The following MAP2K1 variants were observed in gnomAD, a reference collection of about 807,000 sequenced individuals.
MAP2K1 encodes mitogen-activated protein kinase kinase 1, also known as dual specificity mitogen-activated protein kinase kinase 1.
In MAP2K1, 16 loss-of-function variants were observed where a neutral mutation model predicts 46.3. The ratio of observed to expected loss-of-function variants is 0.35; its 90% confidence interval spans 0.23 to 0.52. MAP2K1 has a LOEUF of 0.52. MAP2K1 is among the 20% of genes least tolerant of loss of function. MAP2K1 has a pLI of 0.94. For synonymous variants in MAP2K1, 183 were observed against 185.6 expected (o/e 0.99, Z 0.11); for missense variants, 263 against 497.1 (o/e 0.53, Z 4.48).
At chr15:66,436,049 G>A (rs1192737492) in intron 2 of MAP2K1, among the ~76,000 whole-genome samples, 1 of 152,074 alleles carries the variant, frequency 6.6e-6, no homozygotes, top group Non-Finnish European at 1.5e-5. Flanking sequence ...TTTGCACATG[G>A]TGTTCACTCC....
At chr15:66,469,419 G>T (rs1284589403) in intron 5 of MAP2K1, among the ~76,000 whole-genome samples, 1 of 150,310 alleles carries the variant, frequency 6.7e-6, no homozygotes, top group African/African-American at 2.5e-5. Flanking sequence ...TATACTCTTG[G>T]GGAGACCCAT....
chr15:66,487,926 CATT>C (rs1893098731), intron 8 of MAP2K1, among the ~76,000 whole-genome samples: 2 of 152,192 alleles, frequency 1.3e-5, no homozygotes, highest in Admixed American at 1.3e-4. Flanking sequence ...CAAATTTTCA[CATT>C]AATTTCCCAT....
At chr15:66,408,852 C>A (rs1288080648) in intron 1 of MAP2K1, among the ~76,000 whole-genome samples, 3 of 152,164 alleles carry the variant, frequency 2.0e-5, no homozygotes, top group Non-Finnish European at 4.4e-5. Context: ...CTCTCCTCCA[C>A]CCCATCTGGG....
At chr15:66,483,296 TC>T (rs1892956776) in intron 6 of MAP2K1, among the ~76,000 whole-genome samples, 1 of 152,012 alleles carries the variant, frequency 6.6e-6, no homozygotes, top group East Asian at 1.9e-4. Context: ...CTGACCCACA[TC>T]CCCACCCCTC....
chr15:66,410,421 AAAAG>A (rs2093408493), intron 1 of MAP2K1, among the ~76,000 whole-genome samples: 1 of 151,108 alleles, frequency 6.6e-6, no homozygotes, highest in Admixed American at 6.6e-5. Flanking sequence ...AAAAGGGGAA[AAAAG>A]AGAGAAGGTT....
chr15:66,462,023 C>A (rs1173540990), intron 5 of MAP2K1, among the ~76,000 whole-genome samples: 1 of 152,184 alleles, frequency 6.6e-6, no homozygotes, highest in Non-Finnish European at 1.5e-5. Context: ...CAATGCTGGG[C>A]TCCAAAGAGG....
At chr15:66,489,942 A>C (rs1249776950) in intron 10 of MAP2K1, 179 bp downstream of exon 10, 1 of 690,120 alleles carries the variant, frequency 1.4e-6, no homozygotes. Flanking sequence ...TTTAAGGGAA[A>C]GCTGGGGTGA....
intron 5 of MAP2K1, among the ~76,000 whole-genome samples, chr15:66,445,830 G>C (rs979033880): frequency 2.0e-5 from 3 of 151,792 alleles, no homozygotes; most frequent in African/African-American, 7.2e-5. Context: ...GAGATTAAAG[G>C]AGCATGAAGG....
At chr15:66,439,895 A>T (rs541734430) in intron 3 of MAP2K1, among the ~76,000 whole-genome samples, 1 of 147,412 alleles carries the variant, frequency 6.8e-6, no homozygotes, top group African/African-American at 2.5e-5. Context: ...AGACCACGCC[A>T]TTGCACTCCT....
chr15:66,490,382 A>C (rs1893211160), intron 10 of MAP2K1, 120 bp from the exon 11 acceptor site: 1 of 795,688 alleles, frequency 1.3e-6, no homozygotes, highest in Non-Finnish European at 2.2e-6. Context: ...GGCAGGTGCC[A>C]GGTGCTCTTT....
At chr15:66,472,282 C>T (rs1258763447) in intron 5 of MAP2K1, among the ~76,000 whole-genome samples, 1 of 146,088 alleles carries the variant, frequency 6.8e-6, no homozygotes, top group Non-Finnish European at 1.5e-5. Context: ...CCAGCCTGGG[C>T]GACAGTGTGA....
intron 5 of MAP2K1, among the ~76,000 whole-genome samples, chr15:66,479,903 T>C (rs543902097): frequency 6.6e-6 from 1 of 151,932 alleles, no homozygotes; most frequent in Admixed American, 6.6e-5. Context: ...TTATTATTTT[T>C]ATTTTTATTT....
At chr15:66,426,666 A>G (rs1595856420) in intron 1 of MAP2K1, among the ~76,000 whole-genome samples, 3 of 152,324 alleles carry the variant, frequency 2.0e-5, no homozygotes, top group African/African-American at 7.2e-5. Flanking sequence ...GAAAGAAGAA[A>G]AACATGCTTG....
rs1225829478 is a variant in MAP2K1 at position 66,490,852 on chromosome 15, A to C, written c.*237A>C. The C allele has an allele frequency of 1.7e-6, 1 of 580,892 alleles. No individual in the cohort carries two copies. The highest frequency in any genetic ancestry group is 1.8e-5 in the African/African-American group (1 of 54,118). The allele number at this position is 580,892 out of a possible 1,614,324, so 36.0% of individuals were successfully genotyped here. A position where few individuals can be genotyped will look rare whatever the true frequency, so the allele number is the denominator to read the frequency against. On this transcript the variant is annotated 3_prime_UTR_variant, in exon 11 of 11. Coordinates refer to ENST00000307102, the MANE Select transcript of MAP2K1 (RefSeq NM_002755.4). The stretch of plus-strand genomic sequence containing the variant: ...TTTGTGCTTGGGGCTATTTGTGTGT[A>C]TGCTGATGATCAAAACCTGTGCCAG...
Position 66,387,161 on chromosome 15 carries a change from G to A in MAP2K1, c.-187G>A. On this transcript the variant is annotated 5_prime_UTR_variant, in exon 1 of 11. Coordinates refer to ENST00000307102, the MANE Select transcript of MAP2K1 (RefSeq NM_002755.4). Reference sequence around the variant, plus strand: ...GCCGAGTCCCGGGCGGGTGGGGCGGGGGTCCACTGAGACCGCTACCGGCCC... The same window carrying A: ...GCCGAGTCCCGGGCGGGTGGGGCGGAGGTCCACTGAGACCGCTACCGGCCC... 1 of 472,084 alleles carries A rather than the reference G, an allele frequency of 2.1e-6. No individual in the cohort carries two copies. The highest frequency in any genetic ancestry group is 3.8e-6 in the Non-Finnish European group (1 of 265,468). The allele number at this position is 472,084 out of a possible 1,614,324, so 29.2% of individuals were successfully genotyped here.
chr15:66,449,407 G>T (rs1212205331), intron 5 of MAP2K1, among the ~76,000 whole-genome samples: 1 of 152,192 alleles, frequency 6.6e-6, no homozygotes, highest in African/African-American at 2.4e-5. Flanking sequence ...TTTTAGAACA[G>T]ACAATCCACA....
intron 5 of MAP2K1, among the ~76,000 whole-genome samples, chr15:66,480,834 G>C (rs1278663109): frequency 6.6e-6 from 1 of 152,148 alleles, no homozygotes; most frequent in Non-Finnish European, 1.5e-5. Flanking sequence ...ACAAAGCCCT[G>C]CTCCAGGGGC....
Position 66,401,954 on chromosome 15 carries a change from T to C in MAP2K1, c.80+14527T>C, listed in dbSNP as rs2093382894. The C allele has an allele frequency of 7.4e-6, 10 of 1,345,578 alleles. No individual in the cohort carries two copies. The African/African-American group carries it at 1.3e-4, about 18-fold the overall frequency. The allele number at this position is 1,345,578 out of a possible 1,614,324, so 83.4% of individuals were successfully genotyped here. A position where few individuals can be genotyped will look rare whatever the true frequency, so the allele number is the denominator to read the frequency against. On this transcript the variant is annotated intron_variant, in intron 1 of 10. Coordinates refer to ENST00000307102, the MANE Select transcript of MAP2K1 (RefSeq NM_002755.4). ...AGGAAATGAAGCTGGAGAGGTAGGC[T>C]GAGGTGGTTTTGTGGTTCCAGGCTG...
chr15:66,453,456 C>G (rs1206473547), intron 5 of MAP2K1: 5 of 701,932 alleles, frequency 7.1e-6, no homozygotes, highest in Non-Finnish European at 1.3e-5. Flanking sequence ...GTTTACAAGT[C>G]TTCTCCAGAA....
Sources: gnomAD v4.1 joint callset for allele counts (sites outside exome capture counted in the v4.1 genomes callset) on GRCh38, gnomAD v4.1.1 for gene constraint, MANE v1.5 for transcripts, NCBI Gene and HGNC (gene_info 2026-07-23, HGNC 2026-07-21) for gene names.